Variants in CENPC observed in about 807,000 individuals in gnomAD.
The protein encoded by CENPC is centromere protein C.
In CENPC, 63 loss-of-function variants were observed where a neutral mutation model predicts 112.1. The ratio of observed to expected loss-of-function variants is 0.56; its 90% CI spans 0.46 to 0.69. The LOEUF (loss-of-function observed/expected upper bound fraction) is 0.69. CENPC is among the 30% of genes least tolerant of loss of function. The pLI is 0.00. For synonymous variants in CENPC, 333 were observed against 367.6 expected (o/e 0.91, Z 1.08); for missense variants, 1,000 against 1,103.8 (o/e 0.91, Z 1.33).
chr4:67,505,412 CA>C, intron 11 of CENPC, 128 bp from the exon 12 acceptor site: 1 of 626,196 alleles, frequency 1.6e-6, no homozygotes, highest in South Asian at 2.1e-5. Flanking sequence ...AGTGATGTTA[CA>C]AGTCATCAAA....
rs1476846942 is a variant in CENPC at position 67,522,023 on chromosome 4, CAAT to C, written c.332-2524_332-2522del. On this transcript the variant is annotated intron_variant, in intron 5 of 18. Coordinates refer to ENST00000273853, the MANE Select transcript of CENPC (RefSeq NM_001812.4). ...ATTCATGGTGGTGATAGCCTCACAA[CAAT>C]GTGAATGTACTTAATGCTACTGAAC... is the stretch of plus-strand genomic sequence containing the variant. Among the ~76,000 whole-genome samples, 4 of 152,130 alleles carry C rather than the reference CAAT, an allele frequency of 2.6e-5. No individual in the cohort carries two copies. In the East Asian group the frequency reaches 7.7e-4, roughly 29 times the overall value.
chr4:67,533,200 T>C (rs1726611828), intron 4 of CENPC, among the ~76,000 whole-genome samples: 1 of 152,238 alleles, frequency 6.6e-6, no homozygotes, highest in African/African-American at 2.4e-5. Flanking sequence ...TTTCCCATGC[T>C]ATTCTCGTGA....
At chr4:67,504,893 T>C in intron 12 of CENPC, 1 of 274,734 alleles carries the variant, frequency 3.6e-6, no homozygotes, top group South Asian at 1.0e-4. Context: ...AATACAACCA[T>C]CAACCAGCTT....
Position 67,514,323 on chromosome 4 carries a change from T to A in CENPC, c.1195A>T (p.Lys399Ter). 6.2e-7 allele frequency: 1 copy of A among 1,611,050 alleles called. No homozygotes were observed. Among genetic ancestry groups the A allele is most frequent in the African/African-American group, 1.3e-5 (1 of 75,022 alleles). The part of the protein sequence containing the change: ...GETVNNYRST[K>*]YEMYSKNAEK... ...GCATTCTTGGAATACATTTCATATT[T>A]TGTAGATCTATAATTATTTACTGTT... is the stretch of plus-strand genomic sequence containing the variant. Residue 399 changes from lysine (K) to a stop codon, truncating the protein, a stop_gained, in exon 8 of 19, where the codon AAA (lysine) becomes TAA (stop). Transcript: ENST00000273853. LOFTEE classifies it high-confidence loss of function.
intron 12 of CENPC, among the ~76,000 whole-genome samples, chr4:67,503,951 A>G (rs1725663525): frequency 6.6e-6 from 1 of 152,250 alleles, no homozygotes; most frequent in African/African-American, 2.4e-5. Flanking sequence ...AAACTAAGCA[A>G]AGAATATGTA....
intron 17 of CENPC, among the ~76,000 whole-genome samples, chr4:67,483,547 A>AT (rs1429503459): frequency 1.9e-4 from 27 of 140,630 alleles, no homozygotes; most frequent in African/African-American, 6.7e-4. Flanking sequence ...TACCACTTAT[A>AT]TAAAAAAAAA....
intron 17 of CENPC, among the ~76,000 whole-genome samples, chr4:67,475,683 C>A (rs1724784878): frequency 6.6e-6 from 1 of 152,176 alleles, no homozygotes; most frequent in Non-Finnish European, 1.5e-5. Flanking sequence ...ACTGCAAGCT[C>A]CGCCTCCAGG....
At chr4:67,478,474 TAA>T (rs1313462194) in intron 17 of CENPC, among the ~76,000 whole-genome samples, 2 of 152,162 alleles carry the variant, frequency 1.3e-5, no homozygotes, top group African/African-American at 4.8e-5. Context: ...GAAAGAAAGA[TAA>T]AGTCTTTTTC....
chr4:67,510,791 A>G (rs919934367), intron 9 of CENPC: 15 of 311,958 alleles, frequency 4.8e-5, no homozygotes, highest in African/African-American at 2.8e-4. Flanking sequence ...TCTTAACTTC[A>G]GACTTCAGTT....
intron 4 of CENPC, among the ~76,000 whole-genome samples, chr4:67,532,159 C>G (rs1726570504): frequency 6.6e-6 from 1 of 152,202 alleles, no homozygotes; most frequent in Non-Finnish European, 1.5e-5. Context: ...CTCATCAGCA[C>G]TGGCCATCAG....
At chr4:67,492,611 G>T in intron 15 of CENPC, 1 of 503,636 alleles carries the variant, frequency 2.0e-6, no homozygotes, top group Non-Finnish European at 3.2e-6. Flanking sequence ...ACCATAGCTT[G>T]GGCATAGGAA....
intron 17 of CENPC, among the ~76,000 whole-genome samples, chr4:67,489,590 T>C (rs1256737833): frequency 6.6e-6 from 1 of 152,132 alleles, no homozygotes; most frequent in African/African-American, 2.4e-5. Flanking sequence ...GGGATGTAAG[T>C]GATTTTTGAA....
At chr4:67,484,426 C>G (rs899665581) in intron 17 of CENPC, among the ~76,000 whole-genome samples, 10 of 152,204 alleles carry the variant, frequency 6.6e-5, no homozygotes, top group Non-Finnish European at 1.2e-4. Flanking sequence ...CTGGCAGTGG[C>G]CTGTTAGGAA....
chr4:67,508,852 CTCA>C lies in CENPC; in HGVS notation c.1863_1865del (p.Asp621del). On this transcript the variant is annotated inframe_deletion, in exon 10 of 19. Coordinates refer to ENST00000273853, the MANE Select transcript of CENPC (RefSeq NM_001812.4). ...GATTTTTCTTCTTAGCCAAGTCTGC[CTCA>C]TCACTTTCCAATGGCTCACTCAGCG... 2.5e-6 allele frequency: 4 copies of C among 1,613,528 alleles called. No individual in the cohort carries two copies. The highest frequency in any genetic ancestry group is 1.3e-5 in the African/African-American group (1 of 75,032).
intron 5 of CENPC, among the ~76,000 whole-genome samples, chr4:67,527,643 G>C (rs533874062): frequency 1.3e-5 from 2 of 151,716 alleles, no homozygotes; most frequent in African/African-American, 4.8e-5. Context: ...CAGGACTATA[G>C]GCACATGCCA....
chr4:67,500,212 CCA>C (rs1725554395), intron 12 of CENPC, among the ~76,000 whole-genome samples: 1 of 151,546 alleles, frequency 6.6e-6, no homozygotes, highest in African/African-American at 2.4e-5. Context: ...CAAAGGGTTG[CCA>C]CAAACCTTCA....
chr4:67,493,656 T>C, intron 14 of CENPC: 2 of 429,722 alleles, frequency 4.7e-6, no homozygotes, highest in South Asian at 6.2e-5. Flanking sequence ...CTTTATATTA[T>C]GCAATTGGAA....
intron 9 of CENPC, among the ~76,000 whole-genome samples, chr4:67,511,445 T>A (rs532891818): frequency 1.8e-4 from 28 of 152,280 alleles, no homozygotes; most frequent in African/African-American, 6.5e-4. Flanking sequence ...AAAGGGACAA[T>A]TCTCCCAAAA....
chr4:67,486,395 A>T (rs1001688812), intron 17 of CENPC, among the ~76,000 whole-genome samples: 5 of 152,324 alleles, frequency 3.3e-5, no homozygotes, highest in Non-Finnish European at 4.4e-5. Context: ...CTAAAAAATA[A>T]ATATTTAATA....
Sources: gnomAD v4.1 joint callset for allele counts (sites outside exome capture counted in the v4.1 genomes callset) on GRCh38, gnomAD v4.1.1 for gene constraint, MANE v1.5 for transcripts, NCBI Gene and HGNC (gene_info 2026-07-23, HGNC 2026-07-21) for gene names.